The following CNTN4 variants were observed in gnomAD, a reference collection of about 807,000 sequenced individuals.
CNTN4 encodes the protein contactin-4.
In CNTN4, 77 loss-of-function variants were observed where a neutral mutation model predicts 122.5. The observed-to-expected ratio is 0.63, with a 90% CI of 0.52 to 0.76. The LOEUF is 0.76. Among genes scored for constraint, CNTN4 ranks in the 30% least tolerant of loss-of-function variants. CNTN4 has a pLI of 0.00. For missense variants in CNTN4, 1,256 were observed against 1,259.1 expected, an observed-to-expected ratio of 1.00 and a Z score of 0.04; for synonymous variants, 512 against 447.0, an observed-to-expected ratio of 1.15 and a Z score of -1.83.
At chr3:2,950,825 C>T (rs931891882) in intron 13 of CNTN4, among the ~76,000 whole-genome samples, 1 of 152,226 alleles carries the variant, frequency 6.6e-6, no homozygotes, top group Non-Finnish European at 1.5e-5. Flanking sequence ...CTTATAACAT[C>T]TGAAGTTCAA....
intron 3 of CNTN4, among the ~76,000 whole-genome samples, chr3:2,376,455 T>G (rs1026610634): frequency 1.1e-4 from 17 of 152,140 alleles, no homozygotes; most frequent in African/African-American, 4.1e-4. Flanking sequence ...GCAGGAGCAG[T>G]CAGGAAAGAA....
At chr3:2,811,179 G>A (rs1404609652) in intron 6 of CNTN4, among the ~76,000 whole-genome samples, 4 of 151,920 alleles carry the variant, frequency 2.6e-5, no homozygotes, top group African/African-American at 4.8e-5. Flanking sequence ...GGAGGCCGAG[G>A]CAGGCGTATC....
intron 12 of CNTN4, among the ~76,000 whole-genome samples, chr3:2,909,218 C>G (rs2094272232): frequency 6.6e-6 from 1 of 152,098 alleles, no homozygotes; most frequent in East Asian, 1.9e-4. Flanking sequence ...GTCATCCAGG[C>G]AAGAGCTTTA....
chr3:2,852,567 A>G (rs945585666), intron 7 of CNTN4, among the ~76,000 whole-genome samples: 1 of 152,160 alleles, frequency 6.6e-6, no homozygotes, highest in East Asian at 1.9e-4. Context: ...TATAAGTAGC[A>G]ATTTGGCTAC....
intron 2 of CNTN4, among the ~76,000 whole-genome samples, chr3:2,230,705 A>T (rs946036292): frequency 6.6e-5 from 10 of 152,124 alleles, no homozygotes; most frequent in African/African-American, 2.4e-4. Flanking sequence ...GATGTGAGGG[A>T]TGGGTGCGGT....
intron 4 of CNTN4, among the ~76,000 whole-genome samples, chr3:2,727,892 G>A (rs1362368687): frequency 1.3e-5 from 2 of 152,150 alleles, no homozygotes; most frequent in Admixed American, 6.5e-5. Flanking sequence ...GAAGGAAGGC[G>A]GAAGCAATGA....
At chr3:2,558,590 A>G (rs1455542218) in intron 3 of CNTN4, among the ~76,000 whole-genome samples, 4 of 152,112 alleles carry the variant, frequency 2.6e-5, no homozygotes, top group Admixed American at 6.5e-5. Context: ...ATCACTAGTG[A>G]TACTAATTTT....
chr3:2,926,769 G>A (rs1350788270), intron 13 of CNTN4, among the ~76,000 whole-genome samples: 2 of 100,228 alleles, frequency 2.0e-5, no homozygotes, highest in Non-Finnish European at 4.3e-5. Flanking sequence ...TTTATAAATG[G>A]TGTATTCATA....
chr3:2,897,953 G>A (rs564447071), intron 10 of CNTN4, among the ~76,000 whole-genome samples: 11 of 152,284 alleles, frequency 7.2e-5, no homozygotes, highest in African/African-American at 2.6e-4. Context: ...AGGGGCTAAT[G>A]ATGTGTCTTA....
chr3:2,675,807 C>G (rs2084813522), intron 4 of CNTN4, among the ~76,000 whole-genome samples: 1 of 152,184 alleles, frequency 6.6e-6, no homozygotes, highest in Non-Finnish European at 1.5e-5. Context: ...GTCTGAAATG[C>G]TTTCTTTGTG....
intron 2 of CNTN4, among the ~76,000 whole-genome samples, chr3:2,275,747 C>T (rs1267175149): frequency 6.6e-6 from 1 of 151,590 alleles, no homozygotes; most frequent in Non-Finnish European, 1.5e-5. Flanking sequence ...TGATGAAACC[C>T]CGTTTCTACT....
At chr3:2,891,462 T>C (rs908175472) in intron 10 of CNTN4, among the ~76,000 whole-genome samples, 29 of 151,958 alleles carry the variant, frequency 1.9e-4, no homozygotes, top group Admixed American at 6.6e-5. Flanking sequence ...AATAAATAAA[T>C]AAATAATTTG....
chr3:2,159,031 G>A (rs972078099), intron 2 of CNTN4, among the ~76,000 whole-genome samples: 1 of 152,114 alleles, frequency 6.6e-6, no homozygotes, highest in East Asian at 1.9e-4. Context: ...TTGGAATCCC[G>A]AGAGGCAGCG....
chr3:2,258,737 G>A (rs536056533), intron 2 of CNTN4, among the ~76,000 whole-genome samples: 45 of 152,052 alleles, frequency 3.0e-4, no homozygotes, highest in African/African-American at 1.1e-3. Context: ...CAGATACTTT[G>A]AACTGGCATC....
At chr3:2,581,708 A>C (rs1041355191) in intron 4 of CNTN4, among the ~76,000 whole-genome samples, 4 of 152,246 alleles carry the variant, frequency 2.6e-5, no homozygotes, top group African/African-American at 9.6e-5. Flanking sequence ...ACAAATGTTC[A>C]TAACAGTATT....
At position 3,038,981 on chromosome 3, in the gene CNTN4, C is replaced by CT. The variant is rs1699889355; in HGVS notation, c.2142dup (p.Glu715Ter). ...GTCAGTGGTGGCGGAGGCAGCAAAT[C>CT]TGAACTGGTTATAACCTGGGAGGTA... is the stretch of plus-strand genomic sequence containing the variant. On this transcript the variant is annotated frameshift_variant, in exon 19 of 25. Coordinates refer to ENST00000418658, the MANE Select transcript of CNTN4 (RefSeq NM_175607.3). LOFTEE classifies it high-confidence loss of function. The CT allele has an allele frequency of 6.2e-7, 1 of 1,613,898 alleles. No individual in the cohort carries two copies. Among genetic ancestry groups the CT allele is most frequent in the African/African-American group, 1.3e-5 (1 of 74,912 alleles).
At chr3:2,983,702 A>G (rs890129630) in intron 13 of CNTN4, among the ~76,000 whole-genome samples, 1 of 152,222 alleles carries the variant, frequency 6.6e-6, no homozygotes, top group African/African-American at 2.4e-5. Context: ...AAAGTCACAC[A>G]ACTTCTAAGT....
At chr3:2,176,991 A>C (rs1338217159) in intron 2 of CNTN4, among the ~76,000 whole-genome samples, 1 of 152,142 alleles carries the variant, frequency 6.6e-6, no homozygotes, top group East Asian at 1.9e-4. Flanking sequence ...AGCATGCAGA[A>C]ATATAAAGGT....
At chr3:3,011,792 C>T (rs1440894220) in intron 14 of CNTN4, among the ~76,000 whole-genome samples, 1 of 152,010 alleles carries the variant, frequency 6.6e-6, no homozygotes, top group Non-Finnish European at 1.5e-5. Context: ...TTTTCCTCTC[C>T]CCGCCCCAGT....
Sources: allele counts gnomAD v4.1 joint callset (sites outside exome capture counted in the v4.1 genomes callset), GRCh38; gene constraint gnomAD v4.1.1; transcripts MANE v1.5; gene names NCBI Gene and HGNC (gene_info 2026-07-23, HGNC 2026-07-21).